The following CTCF variants were observed in gnomAD, a reference collection of about 807,000 sequenced individuals.
CTCF encodes transcriptional repressor CTCF.
A neutral mutation model predicts 72.3 loss-of-function variants in CTCF; 7 were observed. The ratio of observed to expected loss-of-function variants is 0.10; its 90% confidence interval spans 0.06 to 0.18. The LOEUF is 0.18. CTCF is among the 10% of genes least tolerant of loss of function. The pLI is 1.00. For missense variants in CTCF, 516 were observed against 949.1 expected (o/e 0.54, Z 6.00); for synonymous variants, 374 against 315.8 (o/e 1.18, Z -1.95).
At position 67,621,604 on chromosome 16, in the gene CTCF, A is replaced by ACT; in HGVS notation, c.1357+14_1357+15dup. The stretch of plus-strand genomic sequence containing the variant: ...AAAAGTGATTTGGGTAAGTAGATTA[A>ACT]CTAGTGAGAAGTGAAAAAAATATTT... On this transcript the variant is annotated intron_variant, in intron 7 of 11. Coordinates refer to ENST00000264010, the MANE Select transcript of CTCF (RefSeq NM_006565.4). The ACT allele has an allele frequency of 6.3e-7, 1 of 1,575,926 alleles. No individual in the cohort carries two copies. The highest frequency in any genetic ancestry group is 1.7e-4 in the Middle Eastern group (1 of 5,956).
chr16:67,577,251 T>C (rs2142731287), intron 2 of CTCF, among the ~76,000 whole-genome samples: 1 of 150,646 alleles, frequency 6.6e-6, no homozygotes, highest in East Asian at 2.0e-4. Flanking sequence ...ACCCCGTTTC[T>C]ACTAAAAATA....
chr16:67,607,030 C>T (rs1370615549), intron 2 of CTCF, among the ~76,000 whole-genome samples: 2 of 152,088 alleles, frequency 1.3e-5, no homozygotes, highest in East Asian at 1.9e-4. Flanking sequence ...AATCTCAGCT[C>T]ACTGCAACCT....
chr16:67,626,620 G>A lies in CTCF; in HGVS notation c.1423G>A (p.Val475Met). 1 of 1,578,170 alleles carries A rather than the reference G, an allele frequency of 6.3e-7. No individual in the cohort carries two copies. The highest frequency in any genetic ancestry group is 8.6e-7 in the Non-Finnish European group (1 of 1,161,376). The change falls in exon 8 of 12, where the codon GTG (valine) becomes ATG (methionine). Residue 475 changes from valine (V) to methionine (M), a missense_variant. Val to Met is a conservative substitution (Grantham distance 21, BLOSUM62 1). Coordinates refer to ENST00000264010, the MANE Select transcript of CTCF (RefSeq NM_006565.4). ...QGKKCRYCDA[V>M]FHERYALIQH... ...CAAGAAATGCCGTTACTGTGATGCT[G>A]TGTTTCATGAGCGCTATGCCCTCAT...
intron 1 of CTCF, among the ~76,000 whole-genome samples, chr16:67,564,761 C>T (rs1475973630): frequency 1.3e-5 from 2 of 152,104 alleles, no homozygotes; most frequent in African/African-American, 4.8e-5. Context: ...CTTGTTTTCC[C>T]GGGTTAGTAC....
intron 2 of CTCF, among the ~76,000 whole-genome samples, chr16:67,608,455 C>A (rs954432463): frequency 6.6e-6 from 1 of 151,972 alleles, no homozygotes; most frequent in Non-Finnish European, 1.5e-5. Flanking sequence ...TGTGCAGTGT[C>A]TACAAACACG....
At chr16:67,610,121 A>G (rs190422704) in intron 2 of CTCF, among the ~76,000 whole-genome samples, 5 of 152,242 alleles carry the variant, frequency 3.3e-5, no homozygotes, top group African/African-American at 9.6e-5. Flanking sequence ...TCTCCCTCCA[A>G]TCAGTCTTCC....
intron 2 of CTCF, among the ~76,000 whole-genome samples, chr16:67,605,263 A>G (rs1395058788): frequency 1.3e-5 from 2 of 152,076 alleles, no homozygotes; most frequent in Non-Finnish European, 2.9e-5. Context: ...GTGAGCCACC[A>G]CGCTTGGCCT....
At chr16:67,629,184 C>T (rs577878565) in intron 9 of CTCF, among the ~76,000 whole-genome samples, 27 of 142,258 alleles carry the variant, frequency 1.9e-4, no homozygotes, top group African/African-American at 6.9e-4. Flanking sequence ...AAGAGCTGGT[C>T]TGATCCTCCC....
At chr16:67,581,662 C>A (rs1455177473) in intron 2 of CTCF, among the ~76,000 whole-genome samples, 2 of 152,022 alleles carry the variant, frequency 1.3e-5, no homozygotes, top group African/African-American at 2.4e-5. Flanking sequence ...CACCACCACA[C>A]CCGGCTAATC....
At chr16:67,606,161 T>TA (rs1453714263) in intron 2 of CTCF, among the ~76,000 whole-genome samples, 1 of 152,162 alleles carries the variant, frequency 6.6e-6, no homozygotes, top group Non-Finnish European at 1.5e-5. Context: ...TCACCTGTCT[T>TA]ACTACCCTCT....
At chr16:67,636,895 G>A in intron 11 of CTCF, 44 bp downstream of exon 11, 1 of 1,431,246 alleles carries the variant, frequency 7.0e-7, no homozygotes, top group African/African-American at 1.4e-5. Context: ...TCTTCTCCGA[G>A]CATGTGGGGG....
chr16:67,628,394 C>T lies in CTCF; in HGVS notation c.1543C>T (p.Arg515Cys), dbSNP rs2142866589. ...GGAGAGGCACATGATCATGCACAAG[C>T]GCACCCACACCGGGGAGAAGCCTTA... Reference protein sequence around the residue: ...RQERHMIMHKRTHTGEKPYAC... With the variant: ...RQERHMIMHKCTHTGEKPYAC... Residue 515 changes from arginine (R) to cysteine (C), a missense_variant, in exon 9 of 12, where the codon CGC (arginine) becomes TGC (cysteine). Physicochemically the swap from Arg to Cys is radical, Grantham distance 180. This residue lies in a region of CTCF where 81 missense variants were observed against 184.3 expected (regional missense o/e 0.44). Transcript: ENST00000264010. 1 of 1,614,164 alleles carries T rather than the reference C, an allele frequency of 6.2e-7. No individual in the cohort carries two copies. Among genetic ancestry groups the T allele is most frequent in the Non-Finnish European group, 8.5e-7 (1 of 1,180,022 alleles).
At position 67,638,537 on chromosome 16, in the gene CTCF, CTG is replaced by C. The variant is rs895724566; in HGVS notation, c.*667_*668del. The C allele has an allele frequency of 5.2e-5, 12 of 229,780 alleles. No individual in the cohort carries two copies. Among genetic ancestry groups the C allele is most frequent in the African/African-American group, 2.2e-4 (10 of 45,238 alleles). The allele number at this position is 229,780 out of a possible 1,614,324, so 14.2% of individuals were successfully genotyped here. A position where few individuals can be genotyped will look rare whatever the true frequency, so the allele number is the denominator to read the frequency against. ...CTTGCAAATTAAGTTACCACAGACT[CTG>C]TAGTGTGTAAATGTTGACAAGGAAT... On this transcript the variant is annotated 3_prime_UTR_variant, in exon 12 of 12. Transcript: ENST00000264010.
intron 2 of CTCF, among the ~76,000 whole-genome samples, chr16:67,597,256 G>A (rs915265277): frequency 6.6e-6 from 1 of 151,936 alleles, no homozygotes; most frequent in Non-Finnish European, 1.5e-5. Context: ...AGCCAATCTC[G>A]AACTCCTGGG....
intron 2 of CTCF, among the ~76,000 whole-genome samples, chr16:67,601,294 CGTGTGTGTGTGTGTGTGTGTGTGT>C (rs58241150): frequency 2.0e-5 from 2 of 98,670 alleles, no homozygotes; most frequent in East Asian, 3.1e-4. Context: ...ACTCTGTCAC[CGTGTGTGTGTGTGTGTGTGTGTGT>C]GTGTGTGTGT....
chr16:67,565,671 C>T (rs2051333712), intron 1 of CTCF, among the ~76,000 whole-genome samples: 1 of 118,990 alleles, frequency 8.4e-6, no homozygotes, highest in Non-Finnish European at 1.6e-5. Flanking sequence ...AGACTCTTAT[C>T]TCAAAAAAAA....
chr16:67,631,160 TTTTTGTTTTTTG>T (rs2052358291), intron 10 of CTCF, among the ~76,000 whole-genome samples: 1 of 135,648 alleles, frequency 7.4e-6, no homozygotes, highest in African/African-American at 2.8e-5. Context: ...GTTTGTTTTT[TTTTTGTTTTTTG>T]TTTTTTTTTT....
In CTCF at chr16:67,611,064, A is replaced by G. The variant is rs777316729; in HGVS notation, c.232A>G (p.Met78Val). 2 of 1,614,154 alleles carry G rather than the reference A, an allele frequency of 1.2e-6. No individual in the cohort carries two copies. Among genetic ancestry groups the G allele is most frequent in the Middle Eastern group, 1.6e-4 (1 of 6,062 alleles). Residue 78 changes from methionine to valine, a missense_variant, in exon 3 of 12, where the codon ATG becomes GTG. By Grantham distance (21) the Met-to-Val change is conservative. Around this residue, in one of 7 missense-constraint regions of CTCF, gnomAD observed 148 missense variants for 194.9 expected, o/e 0.76. Coordinates refer to ENST00000264010, the MANE Select transcript of CTCF (RefSeq NM_006565.4). Reference protein sequence around the residue: ...PTLLQMKTEVMEGTVAPEAEA... With the variant: ...PTLLQMKTEVVEGTVAPEAEA... ...CCTTCTTCAGATGAAGACTGAAGTA[A>G]TGGAGGGCACAGTGGCTCCAGAAGC...
intron 10 of CTCF, among the ~76,000 whole-genome samples, chr16:67,629,790 T>A (rs1277011314): frequency 9.2e-6 from 1 of 108,776 alleles, no homozygotes; most frequent in African/African-American, 3.8e-5. Context: ...TTTTTTTTTT[T>A]TTGAGACGGA....
Sources: gnomAD v4.1 joint callset for allele counts (sites outside exome capture counted in the v4.1 genomes callset) on GRCh38, gnomAD v4.1.1 for gene constraint, gnomAD v4.1.1 regional missense constraint, MANE v1.5 for transcripts, NCBI Gene and HGNC (gene_info 2026-07-23, HGNC 2026-07-21) for gene names.